Variants in CCNK observed in about 807,000 individuals in gnomAD.
The protein encoded by CCNK is cyclin-K.
CCNK carries 9 observed loss-of-function variants against 65.0 expected under a neutral mutation model. The observed-to-expected ratio is 0.14, with a 90% CI of 0.08 to 0.24. The LOEUF (loss-of-function observed/expected upper bound fraction) is 0.24, where lower values mean the gene tolerates loss of function less well. Ranked by LOEUF, CCNK falls within the 10% of genes least tolerant of loss-of-function variation. The probability of loss-of-function intolerance (pLI) is 1.00; values close to 1 mark genes in which losing one functional copy is unlikely to be tolerated. For synonymous variants in CCNK, 279 were observed against 270.8 expected (o/e 1.03, Z -0.30); for missense variants, 474 against 720.0 (o/e 0.66, Z 3.91).
Position 99,492,795 on chromosome 14 carries a change from G to A in CCNK, c.118G>A (p.Gly40Arg), listed in dbSNP as rs1455191065. The A allele has an allele frequency of 1.2e-6, 2 of 1,613,194 alleles. No individual in the cohort carries two copies. Among genetic ancestry groups the A allele is most frequent in the Non-Finnish European group, 1.7e-6 (2 of 1,179,710 alleles). Reference protein sequence around the residue: ...DLAHTPSQLEGLDPATEARYR... With the variant: ...DLAHTPSQLERLDPATEARYR... ...GGCTCATACACCCTCACAACTTGAA[G>A]GACTTGATCCAGCCACCGAGGCCCG... The change falls in exon 2 of 11, where the codon GGA (glycine) becomes AGA (arginine). Residue 40 changes from glycine (G) to arginine (R), a missense_variant. This residue lies in a region of CCNK where 87 missense variants were observed against 166.2 expected (regional missense o/e 0.52). Transcript: ENST00000389879.
chr14:99,499,522 C>T (rs1300753895), intron 4 of CCNK, among the ~76,000 whole-genome samples: 8 of 152,210 alleles, frequency 5.3e-5, no homozygotes, highest in Non-Finnish European at 1.0e-4. Flanking sequence ...ACCTGTGGGT[C>T]TCTGCACCTG....
chr14:99,496,136 C>T (rs577802207), intron 4 of CCNK, among the ~76,000 whole-genome samples: 22 of 152,236 alleles, frequency 1.4e-4, no homozygotes, highest in Admixed American at 1.2e-3. Context: ...ATACAGCTCA[C>T]GCCAGTGTCA....
rs760711188 is a variant in CCNK, at chr14:99,509,902, T to C, written c.1118-255T>C. The C allele has an allele frequency of 9.0e-6, 5 of 556,654 alleles. No homozygotes were observed. The Admixed American group carries it at 1.7e-4, about 19-fold the overall frequency. The allele number at this position is 556,654 out of a possible 1,614,324, so 34.5% of individuals were successfully genotyped here. ...GGCTTCGGGTGCTGCCGAGACTGCCTGTAGGTGGTGTGGTCAGGGCTGAGG... is the reference window on the plus strand; with the variant it reads ...GGCTTCGGGTGCTGCCGAGACTGCCCGTAGGTGGTGTGGTCAGGGCTGAGG... On this transcript the variant is annotated intron_variant, in intron 10 of 10. Transcript: ENST00000389879.
chr14:99,499,718 T>C (rs1406857713), intron 4 of CCNK, among the ~76,000 whole-genome samples: 1 of 152,206 alleles, frequency 6.6e-6, no homozygotes, highest in Non-Finnish European at 1.5e-5. Flanking sequence ...AAGAGGACAT[T>C]CCATTAACGA....
At chr14:99,487,908 G>C (rs1039436291) in intron 1 of CCNK, among the ~76,000 whole-genome samples, 6 of 152,140 alleles carry the variant, frequency 3.9e-5, no homozygotes, top group Admixed American at 2.6e-4. Context: ...GGCTATCGAG[G>C]GATTGATGAA....
At chr14:99,483,708 G>T (rs185860564) in intron 1 of CCNK, among the ~76,000 whole-genome samples, 1 of 152,332 alleles carries the variant, frequency 6.6e-6, no homozygotes, top group East Asian at 1.9e-4. Context: ...AGTTAAATGT[G>T]CATTGGATAA....
At chr14:99,505,139 G>A (rs1473360386) in intron 9 of CCNK, 2 of 152,350 alleles carry the variant, frequency 1.3e-5, no homozygotes, top group African/African-American at 4.8e-5. Flanking sequence ...ATTTAGCAGG[G>A]GAATGGCAGA....
chr14:99,502,407 G>T, intron 7 of CCNK, 31 bp downstream of exon 7: 1 of 1,605,872 alleles, frequency 6.2e-7, no homozygotes. Flanking sequence ...TCTCGTGAGG[G>T]TGTTCCATGT....
chr14:99,497,434 C>T (rs530382942), intron 4 of CCNK, among the ~76,000 whole-genome samples: 1 of 152,324 alleles, frequency 6.6e-6, no homozygotes, highest in East Asian at 1.9e-4. Flanking sequence ...TTATCACACA[C>T]ATAACTCCCT....
chr14:99,492,752 C>T lies in CCNK; in HGVS notation c.75C>T (p.Tyr25=), dbSNP rs1896621845. 6.2e-7 allele frequency: 1 copy of T among 1,613,014 alleles called. No individual in the cohort carries two copies. The highest frequency in any genetic ancestry group is 1.3e-5 in the African/African-American group (1 of 74,806). ...ANLDHTKPCW[Y]WDKKDLAHTP... is the part of the protein sequence containing the mutation. ...TGGACCACACAAAGCCATGTTGGTACTGGGATAAGAAAGACTTGGCTCATA... is the reference window on the plus strand; with the variant it reads ...TGGACCACACAAAGCCATGTTGGTATTGGGATAAGAAAGACTTGGCTCATA... The change falls in exon 2 of 11, where the codon TAC becomes TAT. Residue 25 remains tyrosine, a synonymous_variant. Transcript: ENST00000389879.
rs188485709 is a variant in CCNK at position 99,512,132 on chromosome 14, T to C, written c.*1350T>C. 2.4e-4 allele frequency: 37 copies of C among 152,346 alleles called. No homozygotes were observed. Among genetic ancestry groups the C allele is most frequent in the African/African-American group, 8.4e-4 (35 of 41,578 alleles). 9.4% of individuals were successfully genotyped at this position (152,346 alleles called of 1,614,324 possible). A position where few individuals can be genotyped will look rare whatever the true frequency, so the allele number is the denominator to read the frequency against. ...TACTAAAATAGTTCAAATCAATGTT[T>C]TTACCACACTATCAAAAAGTTCTAT... is the stretch of plus-strand genomic sequence containing the variant. On this transcript the variant is annotated 3_prime_UTR_variant, in exon 11 of 11. Coordinates refer to ENST00000389879, the MANE Select transcript of CCNK (RefSeq NM_001099402.2).
chr14:99,494,107 C>A (rs1896649926), intron 3 of CCNK: 1 of 153,050 alleles, frequency 6.5e-6, no homozygotes, highest in African/African-American at 2.4e-5. Context: ...AGACAACTTA[C>A]ATCTTGGAGA....
chr14:99,504,700 C>G (rs1191899546), intron 9 of CCNK: 1 of 152,098 alleles, frequency 6.6e-6, no homozygotes, highest in African/African-American at 2.4e-5. Flanking sequence ...TCTGCTCGCC[C>G]CAGCCTCCCA....
At position 99,502,784 on chromosome 14, in the gene CCNK, C is replaced by T. The variant is rs1385735105; in HGVS notation, c.811C>T (p.His271Tyr). The T allele has an allele frequency of 1.2e-6, 2 of 1,613,862 alleles. No individual in the cohort carries two copies. Among genetic ancestry groups the T allele is most frequent in the Non-Finnish European group, 1.7e-6 (2 of 1,179,812 alleles). ...GKQQMPHHTP[H>Y]QLQQPPSLQP... Reference sequence around the variant, plus strand: ...ACAACAGATGCCTCATCACACCCCCCATCAGCTGCAACAGCCCCCATCTCT... The same window carrying T: ...ACAACAGATGCCTCATCACACCCCCTATCAGCTGCAACAGCCCCCATCTCT... Residue 271 changes from histidine (H) to tyrosine (Y), a missense_variant, in exon 8 of 11, where the codon CAT becomes TAT. By Grantham distance (83) the His-to-Tyr change is moderately conservative. Transcript: ENST00000389879.
At chr14:99,501,059 T>C in intron 5 of CCNK, 188 bp downstream of exon 5, 1 of 605,126 alleles carries the variant, frequency 1.7e-6, no homozygotes, top group South Asian at 2.1e-5. Flanking sequence ...ATAAACAGGC[T>C]CTGTCATCCA....
intron 6 of CCNK, chr14:99,501,979 A>T: frequency 2.4e-6 from 1 of 411,106 alleles, no homozygotes. Flanking sequence ...TGGATGTGCT[A>T]GAATTCTTCT....
rs1209019039 is a variant in CCNK at position 99,501,090 on chromosome 14, G to T, written c.517+219G>T. ...ATCCAGTTGCCAAGTGATGGGAGAGGCAGGAAAATGAGGCAGAATTTTTTA... is the reference window on the plus strand; with the variant it reads ...ATCCAGTTGCCAAGTGATGGGAGAGTCAGGAAAATGAGGCAGAATTTTTTA... On this transcript the variant is annotated intron_variant, in intron 5 of 10. Coordinates refer to ENST00000389879, the MANE Select transcript of CCNK (RefSeq NM_001099402.2). 4 of 599,662 alleles carry T rather than the reference G, an allele frequency of 6.7e-6. No homozygotes were observed. In the African/African-American group the frequency reaches 7.5e-5, roughly 11 times the overall value. 37.1% of individuals were successfully genotyped at this position (599,662 alleles called of 1,614,324 possible).
At position 99,502,864 on chromosome 14, in the gene CCNK, C is replaced by A. The variant is rs566277343; in HGVS notation, c.891C>A (p.Ser297=). 1 of 1,613,136 alleles carries A rather than the reference C, an allele frequency of 6.2e-7. No individual in the cohort carries two copies. Among genetic ancestry groups the A allele is most frequent in the African/African-American group, 1.3e-5 (1 of 74,840 alleles). Residue 297 remains serine (S), a synonymous_variant, in exon 8 of 11, where the codon TCC becomes TCA. Transcript: ENST00000389879. The stretch of plus-strand genomic sequence containing the variant: ...AGCAGTCACAGCCGTCTCAAAGCTC[C>A]GAACCATCCCAGCCCCAGCAGAAGG... ...QVQQSQPSQS[S]EPSQPQQKDP...
intron 8 of CCNK, 153 bp downstream of exon 8, chr14:99,503,137 C>T: frequency 3.3e-6 from 3 of 900,770 alleles, no homozygotes; most frequent in Middle Eastern, 2.6e-4. Context: ...GGTGGGGAGC[C>T]TGAAAACAAA....
Sources: gnomAD v4.1 joint callset for allele counts (sites outside exome capture counted in the v4.1 genomes callset) on GRCh38, gnomAD v4.1.1 for gene constraint, gnomAD v4.1.1 regional missense constraint, MANE v1.5 for transcripts, NCBI Gene and HGNC (gene_info 2026-07-23, HGNC 2026-07-21) for gene names.